The following OMA1 variants were observed in gnomAD, a reference collection of about 807,000 sequenced individuals.
OMA1 encodes the protein OMA1 zinc metallopeptidase.
OMA1 carries 38 observed loss-of-function variants against 30.9 expected under a neutral mutation model. That is an observed-to-expected ratio of 1.23 (90% CI 0.95 to 1.61). The LOEUF (loss-of-function observed/expected upper bound fraction) is 1.61, where lower values mean the gene tolerates loss of function less well. OMA1 is among the 40% of genes most tolerant of loss of function. The probability of loss-of-function intolerance (pLI) is 0.00; values close to 1 mark genes in which losing one functional copy is unlikely to be tolerated. For synonymous variants in OMA1, 173 were observed against 121.9 expected, an observed-to-expected ratio of 1.42 and a Z score of -2.76; for missense variants, 461 against 349.2, an observed-to-expected ratio of 1.32 and a Z score of -2.55.
chr1:58,524,374 C>T (rs1453458429), intron 7 of OMA1, among the ~76,000 whole-genome samples: 1 of 152,210 alleles, frequency 6.6e-6, no homozygotes, highest in African/African-American at 2.4e-5. Flanking sequence ...AACTATCAAA[C>T]CATCCTTCGC....
Position 58,536,733 on chromosome 1 carries a change from C to T in OMA1, c.509G>A (p.Arg170Lys). Residue 170 changes from arginine (R) to lysine (K), a missense_variant, in exon 3 of 9, where the codon AGG (arginine) becomes AAG (lysine). By Grantham distance (26) the Arg-to-Lys change is conservative (BLOSUM62 2). Transcript: ENST00000371226. ...LFAIIVGRGI[R>K]KWWQALPPNK... ...AGGAGGAAGTGCCTGCCACCATTTC[C>T]TTATGCCCCTAAAGCAAAAAGAAAA... The T allele has an allele frequency of 1.1e-6, 1 of 872,002 alleles. No individual in the cohort carries two copies. Among genetic ancestry groups the T allele is most frequent in the South Asian group, 1.3e-5 (1 of 76,464 alleles). 54.0% of individuals were successfully genotyped at this position (872,002 alleles called of 1,614,324 possible). A position where few individuals can be genotyped will look rare whatever the true frequency, so the allele number is the denominator to read the frequency against.
At chr1:58,506,647 TA>T (rs1420238036) in intron 7 of OMA1, among the ~76,000 whole-genome samples, 1 of 152,156 alleles carries the variant, frequency 6.6e-6, no homozygotes. Context: ...GTATTAAGGG[TA>T]AAATCTTTTA....
At chr1:58,505,267 T>A (rs1402383480) in intron 8 of OMA1, among the ~76,000 whole-genome samples, 1 of 152,220 alleles carries the variant, frequency 6.6e-6, no homozygotes, top group Non-Finnish European at 1.5e-5. Context: ...CCTGGATCTG[T>A]TGTGCTATGC....
intron 8 of OMA1, among the ~76,000 whole-genome samples, chr1:58,488,049 A>G (rs1645606801): frequency 6.6e-6 from 1 of 152,170 alleles, no homozygotes; most frequent in African/African-American, 2.4e-5. Context: ...TATTTGAGAC[A>G]TTTATAGTTC....
intron 7 of OMA1, among the ~76,000 whole-genome samples, chr1:58,508,202 A>G (rs992178122): frequency 5.9e-5 from 9 of 152,206 alleles, no homozygotes; most frequent in African/African-American, 1.9e-4. Flanking sequence ...TAATGTTAAG[A>G]TAAGAGTGTT....
In OMA1 at chr1:58,518,296, A is replaced by G. The variant is rs1440874132; in HGVS notation, c.1215+8965T>C. ...AGGAGAGGAGAAGAGAAGAGAAGAG[A>G]AGAGAAGAGAAGAGAAGAGAAGAGA... On this transcript the variant is annotated intron_variant, in intron 7 of 8. Transcript: ENST00000371226. 1.0e-3 allele frequency among the ~76,000 whole-genome samples: 46 copies of G among 46,152 alleles called. 1 individual carries two copies. The highest frequency in any genetic ancestry group is 0.023 in the Middle Eastern group (2 of 88). 30.3% of individuals were successfully genotyped at this position (46,152 alleles called of 152,430 possible).
intron 1 of OMA1, among the ~76,000 whole-genome samples, chr1:58,546,057 C>T (rs558712700): frequency 1.3e-5 from 2 of 152,246 alleles, no homozygotes; most frequent in East Asian, 1.9e-4. Context: ...GAGGATTGCA[C>T]GGCACAATAA....
At position 58,485,228 on chromosome 1, in the gene OMA1, T is replaced by TAAAAAAAAAAAAAAA. The variant is rs71043289; in HGVS notation, c.1366-4069_1366-4055dup. ...GTCTAAAAATAAAAGAGTCTACTAC[T>TAAAAAAAAAAAAAAA]AAAAAAAAAAAAAAAAAAAAAAAAA... On this transcript the variant is annotated intron_variant, in intron 8 of 8. Coordinates refer to ENST00000371226, the MANE Select transcript of OMA1 (RefSeq NM_145243.5). 1.4e-3 allele frequency among the ~76,000 whole-genome samples: 60 copies of TAAAAAAAAAAAAAAA among 42,048 alleles called. 1 individual carries two copies. Among genetic ancestry groups the TAAAAAAAAAAAAAAA allele is most frequent in the Non-Finnish European group, 2.3e-3 (55 of 24,132 alleles). 27.6% of individuals were successfully genotyped at this position (42,048 alleles called of 152,430 possible).
chr1:58,546,095 T>G (rs903747487), intron 1 of OMA1, among the ~76,000 whole-genome samples: 1 of 152,244 alleles, frequency 6.6e-6, no homozygotes, highest in Non-Finnish European at 1.5e-5. Flanking sequence ...CAGGCGACAT[T>G]TAAACAGTAT....
At chr1:58,493,411 G>A (rs1645735275) in intron 8 of OMA1, among the ~76,000 whole-genome samples, 1 of 152,054 alleles carries the variant, frequency 6.6e-6, no homozygotes, top group African/African-American at 2.4e-5. Context: ...TGGAAGTTCT[G>A]GCCAGGGCAA....
At chr1:58,481,971 A>G (rs747495007) in intron 8 of OMA1, among the ~76,000 whole-genome samples, 3 of 152,232 alleles carry the variant, frequency 2.0e-5, no homozygotes, top group Non-Finnish European at 4.4e-5. Flanking sequence ...GCAGCATGAG[A>G]ATGGACTAAT....
chr1:58,491,444 G>C (rs900012007), intron 8 of OMA1, among the ~76,000 whole-genome samples: 1 of 152,144 alleles, frequency 6.6e-6, no homozygotes, highest in Non-Finnish European at 1.5e-5. Flanking sequence ...TGGGCTAAAT[G>C]TTCCAATCAA....
At chr1:58,544,543 T>C (rs756325856) in intron 1 of OMA1, among the ~76,000 whole-genome samples, 2 of 152,184 alleles carry the variant, frequency 1.3e-5, no homozygotes, top group Non-Finnish European at 2.9e-5. Context: ...CGGGATGTAT[T>C]ATTACTTTTT....
At chr1:58,503,217 T>C (rs116468945) in intron 8 of OMA1, among the ~76,000 whole-genome samples, 1 of 151,986 alleles carries the variant, frequency 6.6e-6, no homozygotes, top group African/African-American at 2.4e-5. Flanking sequence ...CAAGAGAAAA[T>C]CATATTGTTA....
intron 7 of OMA1, among the ~76,000 whole-genome samples, chr1:58,510,981 C>T (rs1646068000): frequency 6.6e-6 from 1 of 152,136 alleles, no homozygotes. Context: ...AAAGACAACT[C>T]AAATAAATGG....
intron 8 of OMA1, among the ~76,000 whole-genome samples, chr1:58,497,047 C>T (rs1645814310): frequency 6.6e-6 from 1 of 152,168 alleles, no homozygotes; most frequent in Non-Finnish European, 1.5e-5. Context: ...ACTTCCAATG[C>T]AAAGCACTAT....
chr1:58,488,563 T>C (rs1557437344), intron 8 of OMA1, among the ~76,000 whole-genome samples: 1 of 152,202 alleles, frequency 6.6e-6, no homozygotes, highest in Non-Finnish European at 1.5e-5. Context: ...GCAATTCTCC[T>C]GTGTCAGCCT....
intron 6 of OMA1, 126 bp from the exon 7 acceptor site, chr1:58,527,461 A>G: frequency 1.7e-6 from 1 of 605,832 alleles, no homozygotes; most frequent in Non-Finnish European, 3.0e-6. Flanking sequence ...ACTGTCTACT[A>G]ACATTAAAAT....
At chr1:58,505,763 A>G (rs1417365494) in intron 8 of OMA1, among the ~76,000 whole-genome samples, 1 of 152,220 alleles carries the variant, frequency 6.6e-6, no homozygotes, top group Non-Finnish European at 1.5e-5. Flanking sequence ...AAAAAACTTA[A>G]TATGCCTTGA....
Sources: gnomAD v4.1 joint callset for allele counts (sites outside exome capture counted in the v4.1 genomes callset) on GRCh38, gnomAD v4.1.1 for gene constraint, MANE v1.5 for transcripts, NCBI Gene and HGNC (gene_info 2026-07-23, HGNC 2026-07-21) for gene names.